MECOM: variants seen among roughly 807,000 people sequenced by gnomAD.
MECOM encodes the protein MDS1 and EVI1 complex locus.
A neutral mutation model predicts 116.3 loss-of-function variants in MECOM; 13 were observed. That is an observed-to-expected ratio of 0.11 (90% CI 0.07 to 0.18). The LOEUF is 0.18. Among genes scored for constraint, MECOM ranks in the 10% least tolerant of loss-of-function variants. MECOM has a pLI of 1.00. For missense variants in MECOM, 1,299 were observed against 1,509.0 expected (o/e 0.86, Z 2.31); for synonymous variants, 528 against 535.2 (o/e 0.99, Z 0.19).
chr3:169,197,488 C>T (rs1474954559), intron 2 of MECOM, among the ~76,000 whole-genome samples: 1 of 151,932 alleles, frequency 6.6e-6, no homozygotes, highest in Non-Finnish European at 1.5e-5. Flanking sequence ...CTAGCAGCTT[C>T]TGATCTTAGC....
At chr3:169,339,106 A>G (rs1459492091) in intron 2 of MECOM, among the ~76,000 whole-genome samples, 1 of 152,246 alleles carries the variant, frequency 6.6e-6, no homozygotes, top group Non-Finnish European at 1.5e-5. Flanking sequence ...GTAGGTCGTT[A>G]GCATCTACAA....
chr3:169,147,037 C>G, intron 2 of MECOM: 1 of 991,546 alleles, frequency 1.0e-6, no homozygotes, highest in Non-Finnish European at 1.2e-6. Flanking sequence ...TCTGGGTGAC[C>G]CGGGTTTGGT....
intron 1 of MECOM, among the ~76,000 whole-genome samples, chr3:169,412,439 G>A (rs930179341): frequency 4.6e-5 from 7 of 151,764 alleles, no homozygotes; most frequent in Middle Eastern, 3.2e-3. Flanking sequence ...TGTTCCCTGC[G>A]TTTCTCATCT....
chr3:169,647,174 C>T (rs565687946), intron 1 of MECOM, among the ~76,000 whole-genome samples: 24 of 152,218 alleles, frequency 1.6e-4, no homozygotes, highest in African/African-American at 5.8e-4. Flanking sequence ...TTAAGTTCTT[C>T]GACTTTATTG....
intron 1 of MECOM, among the ~76,000 whole-genome samples, chr3:169,545,575 CTT>C (rs1323884261): frequency 2.0e-5 from 3 of 152,158 alleles, no homozygotes; most frequent in Non-Finnish European, 4.4e-5. Flanking sequence ...TTTTTTCTCT[CTT>C]GTTAGAACCT....
At chr3:169,542,761 A>G (rs1206116948) in intron 1 of MECOM, among the ~76,000 whole-genome samples, 2 of 151,754 alleles carry the variant, frequency 1.3e-5, no homozygotes, top group African/African-American at 2.4e-5. Flanking sequence ...AACTAGCAGG[A>G]AAAAAAAATA....
At chr3:169,199,494 G>A (rs2200682) in intron 2 of MECOM, among the ~76,000 whole-genome samples, 137,156 of 152,080 alleles carry the variant, frequency 0.9, 61,955 homozygotes, top group East Asian at 1. Context: ...GCTCATTACA[G>A]TCTCAAACTC....
intron 2 of MECOM, among the ~76,000 whole-genome samples, chr3:169,265,000 C>T (rs1279394959): frequency 1.3e-5 from 2 of 151,800 alleles, no homozygotes; most frequent in African/African-American, 2.4e-5. Context: ...AGGATCTCTA[C>T]CAACTAAGAT....
At chr3:169,405,063 G>C (rs79973355) in intron 1 of MECOM, among the ~76,000 whole-genome samples, 7,078 of 152,278 alleles carry the variant, frequency 0.046, 237 homozygotes, top group Middle Eastern at 0.078. Flanking sequence ...TGGCCACTCT[G>C]GCTTCTCCCA....
At chr3:169,565,246 ATGTT>A (rs996711295) in intron 1 of MECOM, among the ~76,000 whole-genome samples, 2 of 152,138 alleles carry the variant, frequency 1.3e-5, no homozygotes, top group Non-Finnish European at 2.9e-5. Flanking sequence ...CATTTGATAA[ATGTT>A]TGTTGAATTG....
intron 1 of MECOM, among the ~76,000 whole-genome samples, chr3:169,620,064 G>C (rs911636382): frequency 3.3e-5 from 5 of 152,170 alleles, no homozygotes; most frequent in African/African-American, 9.7e-5. Context: ...ATAGCCATCC[G>C]AGCCGAAGCA....
At chr3:169,529,036 C>T (rs1758278623) in intron 1 of MECOM, among the ~76,000 whole-genome samples, 1 of 152,118 alleles carries the variant, frequency 6.6e-6, no homozygotes, top group Admixed American at 6.5e-5. Context: ...ATGTGGCAAA[C>T]ACAGTTTTTT....
intron 1 of MECOM, among the ~76,000 whole-genome samples, chr3:169,442,165 A>T (rs1433234023): frequency 6.6e-6 from 1 of 152,178 alleles, no homozygotes; most frequent in East Asian, 1.9e-4. Flanking sequence ...ACCTCAGGTG[A>T]TCCACCCACC....
chr3:169,291,703 T>TGTATA (rs1169587434), intron 2 of MECOM, among the ~76,000 whole-genome samples: 3 of 152,222 alleles, frequency 2.0e-5, no homozygotes, highest in Non-Finnish European at 4.4e-5. Context: ...AAGCCTCAGA[T>TGTATA]GTATAGAACA....
intron 2 of MECOM, among the ~76,000 whole-genome samples, chr3:169,312,078 T>C (rs10936577): frequency 0.55 from 84,044 of 151,876 alleles, 25,299 homozygotes; most frequent in East Asian, 0.87. Context: ...CATTTGACTC[T>C]GAGTTGGGAC....
chr3:169,450,356 C>A (rs1745344007), intron 1 of MECOM, among the ~76,000 whole-genome samples: 1 of 152,020 alleles, frequency 6.6e-6, no homozygotes, highest in Non-Finnish European at 1.5e-5. Context: ...GCCAAAGACT[C>A]CAAGGTGCTA....
chr3:169,597,351 C>CCAATATT (rs1165365313), intron 1 of MECOM, among the ~76,000 whole-genome samples: 1 of 152,088 alleles, frequency 6.6e-6, no homozygotes, highest in African/African-American at 2.4e-5. Context: ...TGAGAAGAGT[C>CCAATATT]CAATATTGTC....
intron 2 of MECOM, among the ~76,000 whole-genome samples, chr3:169,372,945 T>C (rs189400235): frequency 8.1e-4 from 123 of 152,110 alleles, no homozygotes; most frequent in African/African-American, 2.8e-3. Context: ...CTGCTCCGCA[T>C]GCAGTTACAA....
At chr3:169,422,094 G>T (rs1053804065) in intron 1 of MECOM, among the ~76,000 whole-genome samples, 3 of 151,942 alleles carry the variant, frequency 2.0e-5, no homozygotes, top group Non-Finnish European at 4.4e-5. Flanking sequence ...TTTAAAAAAA[G>T]ATAGATGTTA....
Sources: gnomAD v4.1 joint callset for allele counts (sites outside exome capture counted in the v4.1 genomes callset) on GRCh38, gnomAD v4.1.1 for gene constraint, MANE v1.5 for transcripts, NCBI Gene and HGNC (gene_info 2026-07-23, HGNC 2026-07-21) for gene names.